SLC36A1: variants seen among roughly 807,000 people sequenced by gnomAD.
The protein encoded by SLC36A1 is proton-coupled amino acid transporter 1.
SLC36A1 carries 30 observed loss-of-function variants against 47.5 expected under a neutral mutation model. That is an observed-to-expected ratio of 0.63 (90% confidence interval 0.47 to 0.86). SLC36A1 has a LOEUF of 0.86. SLC36A1 is among the 40% of genes least tolerant of loss of function. The probability of loss-of-function intolerance (pLI) is 0.00; values close to 1 mark genes in which losing one functional copy is unlikely to be tolerated. For synonymous variants in SLC36A1, 255 were observed against 249.7 expected, an observed-to-expected ratio of 1.02 and a Z score of -0.20; for missense variants, 517 against 606.0, an observed-to-expected ratio of 0.85 and a Z score of 1.54.
chr5:151,524,539 C>T, the SLC36A1 span, among the ~76,000 whole-genome samples: 1 of 152,218 alleles, frequency 6.6e-6, no homozygotes, highest in African/African-American at 2.4e-5. Context: ...GCCTCCAGAA[C>T]TGTGGGAAAT....
the SLC36A1 span, among the ~76,000 whole-genome samples, chr5:151,426,505 C>G: frequency 6.6e-6 from 1 of 152,120 alleles, no homozygotes; most frequent in Non-Finnish European, 1.5e-5. Context: ...TGACTTTACA[C>G]AAACATCTCA....
chr5:151,517,784 C>T, the SLC36A1 span: 8 of 1,613,538 alleles, frequency 5.0e-6, no homozygotes, highest in Admixed American at 1.7e-5. Flanking sequence ...GCAACCAAAG[C>T]TGTCACCTCT....
chr5:151,421,820 AACCTTGTGATCC>A, the SLC36A1 span, among the ~76,000 whole-genome samples: 3 of 147,216 alleles, frequency 2.0e-5, no homozygotes, highest in African/African-American at 7.5e-5. Context: ...TCAATCTCTT[AACCTTGTGATCC>A]ACCCGCCTCA....
intron 1 of SLC36A1, among the ~76,000 whole-genome samples, chr5:151,457,855 T>TTG (rs1754803053): frequency 2.1e-5 from 1 of 48,384 alleles, no homozygotes. Context: ...TGTTTGTTTG[T>TTG]TTTTTTTTTT....
At chr5:151,555,734 T>G in the SLC36A1 span, among the ~76,000 whole-genome samples, 1 of 152,144 alleles carries the variant, frequency 6.6e-6, no homozygotes, top group Non-Finnish European at 1.5e-5. Context: ...AAAGGCAAAA[T>G]TTGTTTCCTG....
intron 2 of SLC36A1, among the ~76,000 whole-genome samples, chr5:151,461,424 T>TTA (rs1032995868): frequency 2.2e-4 from 34 of 152,248 alleles, no homozygotes; most frequent in African/African-American, 7.0e-4. Context: ...CTGAGTTCCA[T>TTA]TATATATATC....
chr5:151,551,329 A>G, the SLC36A1 span: 1 of 876,044 alleles, frequency 1.1e-6, no homozygotes, highest in Non-Finnish European at 1.8e-6. Context: ...TAGAGAGTGT[A>G]TTAGACAAGA....
At chr5:151,390,412 C>G in the SLC36A1 span, among the ~76,000 whole-genome samples, 1 of 152,192 alleles carries the variant, frequency 6.6e-6, no homozygotes, top group South Asian at 2.1e-4. Flanking sequence ...TTAGTTTAAT[C>G]AGATCCCATT....
intron 4 of SLC36A1, 134 bp from the exon 5 acceptor site, chr5:151,464,940 G>C (rs1383032750): frequency 2.8e-6 from 2 of 704,274 alleles, no homozygotes; most frequent in African/African-American, 3.6e-5. Context: ...GAAAGCACGA[G>C]ATACAGGACT....
chr5:151,365,248 T>C, the SLC36A1 span, among the ~76,000 whole-genome samples: 1 of 152,204 alleles, frequency 6.6e-6, no homozygotes, highest in Non-Finnish European at 1.5e-5. Flanking sequence ...GGAACTAAAA[T>C]CTAGTTTTCT....
At chr5:151,551,563 G>A in the SLC36A1 span, 1 of 1,614,194 alleles carries the variant, frequency 6.2e-7, no homozygotes, top group Non-Finnish European at 8.5e-7. Flanking sequence ...TGACGATGCT[G>A]CCTGTGGTCT....
At chr5:151,486,539 C>G (rs165364) in intron 10 of SLC36A1, among the ~76,000 whole-genome samples, 22,133 of 152,236 alleles carry the variant, frequency 0.15, 1,985 homozygotes, top group Non-Finnish European at 0.21. Flanking sequence ...AATCCTTCAG[C>G]TGCTCAGCCA....
At chr5:151,497,952 T>TC in the SLC36A1 span, among the ~76,000 whole-genome samples, 1 of 151,312 alleles carries the variant, frequency 6.6e-6, no homozygotes, top group Admixed American at 6.6e-5. Flanking sequence ...TTTTTTTTTT[T>TC]CTTTTTTTTT....
rs766773887 is a variant in SLC36A1 at position 151,479,431 on chromosome 5, C to G, written c.1101C>G (p.Pro367=). ...IIIPFFVSRA[P]EHCELVVDLF... ...TCCCCTTCTTTGTGTCCCGAGCGCC[C>G]GAGCACTGTGAGTTAGTGGTGGACC... The change falls in exon 10 of 11, where the codon CCC becomes CCG. Residue 367 remains proline, a synonymous_variant. Coordinates refer to ENST00000243389, the MANE Select transcript of SLC36A1 (RefSeq NM_078483.4). 1 of 1,614,082 alleles carries G rather than the reference C, an allele frequency of 6.2e-7. No homozygotes were observed. The highest frequency in any genetic ancestry group is 2.2e-5 in the East Asian group (1 of 44,908).
chr5:151,488,376 T>A lies in SLC36A1; in HGVS notation c.*122T>A. 4.7e-6 allele frequency: 6 copies of A among 1,286,148 alleles called. No individual in the cohort carries two copies. Among genetic ancestry groups the A allele is most frequent in the African/African-American group, 1.5e-5 (1 of 66,814 alleles). The allele number at this position is 1,286,148 out of a possible 1,614,324, so 79.7% of individuals were successfully genotyped here. On this transcript the variant is annotated 3_prime_UTR_variant, in exon 11 of 11. Coordinates refer to ENST00000243389, the MANE Select transcript of SLC36A1 (RefSeq NM_078483.4). ...GTCAGGGTTGCTGTGTGGGAACCCC[T>A]CTGCCTGGCACCTGGATACCCTGGG...
intron 1 of SLC36A1, among the ~76,000 whole-genome samples, chr5:151,452,030 A>T (rs1192077274): frequency 2.0e-5 from 3 of 152,062 alleles, no homozygotes; most frequent in Non-Finnish European, 4.4e-5. Flanking sequence ...CTGGAGCTTG[A>T]CCTTCTCTAA....
the SLC36A1 span, among the ~76,000 whole-genome samples, chr5:151,426,220 A>G: frequency 2.0e-5 from 3 of 152,364 alleles, no homozygotes; most frequent in Admixed American, 6.5e-5. Context: ...GACTGAGAAA[A>G]GAAATAAGAC....
At chr5:151,479,183 A>G (rs1340192513) in intron 9 of SLC36A1, 137 bp from the exon 10 acceptor site, 5 of 818,314 alleles carry the variant, frequency 6.1e-6, no homozygotes, top group African/African-American at 1.7e-5. Flanking sequence ...TAGACATGAA[A>G]TTGCTGGGTC....
chr5:151,527,294 C>G, the SLC36A1 span: 3 of 1,609,580 alleles, frequency 1.9e-6, no homozygotes, highest in Non-Finnish European at 2.5e-6. Flanking sequence ...TGACATCAGC[C>G]ACTTGGATAG....
Sources: allele counts gnomAD v4.1 joint callset (sites outside exome capture counted in the v4.1 genomes callset), GRCh38; gene constraint gnomAD v4.1.1; transcripts MANE v1.5; gene names NCBI Gene and HGNC (gene_info 2026-07-23, HGNC 2026-07-21).